FAM168A: variants seen among roughly 807,000 people sequenced by gnomAD.
FAM168A encodes protein FAM168A.
A neutral mutation model predicts 28.5 loss-of-function variants in FAM168A; 3 were observed. The ratio of observed to expected loss-of-function variants is 0.11; its 90% CI spans 0.05 to 0.27. The LOEUF (loss-of-function observed/expected upper bound fraction) is 0.27. Ranked by LOEUF, FAM168A falls within the 10% of genes least tolerant of loss-of-function variation. The probability of loss-of-function intolerance (pLI) is 1.00; values close to 1 mark genes in which losing one functional copy is unlikely to be tolerated. For synonymous variants in FAM168A, 122 were observed against 124.2 expected (o/e 0.98, Z 0.12); for missense variants, 222 against 311.5 (o/e 0.71, Z 2.16).
At chr11:73,469,820 C>G (rs1867788178) in intron 1 of FAM168A, among the ~76,000 whole-genome samples, 1 of 152,020 alleles carries the variant, frequency 6.6e-6, no homozygotes, top group South Asian at 2.1e-4. Flanking sequence ...AAAAATATAC[C>G]CAAGTAACAT....
intron 1 of FAM168A, among the ~76,000 whole-genome samples, chr11:73,513,011 C>T (rs1440743070): frequency 6.6e-6 from 1 of 151,968 alleles, no homozygotes; most frequent in East Asian, 1.9e-4. Context: ...AAAGATATTG[C>T]CCTAGGGAAA....
Position 73,420,005 on chromosome 11 carries a change from G to A in FAM168A, c.152-6C>T. ...CTGTTTCATCAGCAGAGTTGCTTAA[G>A]GGAAGACACAAGAATGGCATTAGAC... is the stretch of plus-strand genomic sequence containing the variant. On this transcript the variant is annotated splice_polypyrimidine_tract_variant and splice_region_variant and intron_variant, in intron 3 of 7. Coordinates refer to ENST00000356467, the MANE Select transcript of FAM168A (RefSeq NM_015159.3). 6.2e-7 allele frequency: 1 copy of A among 1,613,118 alleles called. No homozygotes were observed. The highest frequency in any genetic ancestry group is 8.5e-7 in the Non-Finnish European group (1 of 1,179,454).
At chr11:73,581,663 G>C (rs1039557117) in intron 1 of FAM168A, among the ~76,000 whole-genome samples, 2 of 152,018 alleles carry the variant, frequency 1.3e-5, no homozygotes, top group African/African-American at 2.4e-5. Flanking sequence ...AAAAAGGTTT[G>C]AATACCCTGT....
chr11:73,546,676 G>A (rs534279937), intron 1 of FAM168A, among the ~76,000 whole-genome samples: 64 of 150,078 alleles, frequency 4.3e-4, no homozygotes, highest in African/African-American at 1.3e-3. Flanking sequence ...AGGTTGCAGC[G>A]AGCCTAGATC....
intron 1 of FAM168A, among the ~76,000 whole-genome samples, chr11:73,568,623 G>A (rs1944049676): frequency 6.6e-6 from 1 of 152,166 alleles, no homozygotes; most frequent in Non-Finnish European, 1.5e-5. Context: ...TTGGTCGGGG[G>A]TAATGGCTCA....
At chr11:73,513,880 T>C (rs772720723) in intron 1 of FAM168A, among the ~76,000 whole-genome samples, 8 of 152,158 alleles carry the variant, frequency 5.3e-5, no homozygotes, top group Non-Finnish European at 1.0e-4. Flanking sequence ...CTTGGTTTAC[T>C]CATCTTTAAA....
chr11:73,511,788 C>T (rs1476576553), intron 1 of FAM168A, among the ~76,000 whole-genome samples: 1 of 152,120 alleles, frequency 6.6e-6, no homozygotes, highest in African/African-American at 2.4e-5. Context: ...AGTAATGTGA[C>T]TAAGGATCCC....
intron 1 of FAM168A, among the ~76,000 whole-genome samples, chr11:73,499,749 A>C (rs114226530): frequency 0.048 from 7,243 of 152,110 alleles, 544 homozygotes; most frequent in African/African-American, 0.16. Context: ...CAACAGCCGA[A>C]TCAGCCAAGC....
At chr11:73,554,124 C>G (rs1943860824) in intron 1 of FAM168A, among the ~76,000 whole-genome samples, 1 of 152,078 alleles carries the variant, frequency 6.6e-6, no homozygotes, top group African/African-American at 2.4e-5. Context: ...ACCTGTAATC[C>G]CAGCACTTTG....
At chr11:73,515,444 G>A (rs1943288639) in intron 1 of FAM168A, among the ~76,000 whole-genome samples, 1 of 150,484 alleles carries the variant, frequency 6.6e-6, no homozygotes, top group Non-Finnish European at 1.5e-5. Context: ...AGAGGCAGAG[G>A]TTGCAGTGAG....
intron 1 of FAM168A, among the ~76,000 whole-genome samples, chr11:73,521,368 T>C (rs11235790): frequency 0.084 from 12,777 of 152,004 alleles, 628 homozygotes; most frequent in Admixed American, 0.12. Flanking sequence ...CAACCTACCC[T>C]ACTACCCTAC....
At chr11:73,430,840 A>C in intron 2 of FAM168A, 70 bp from the exon 3 acceptor site, 3 of 1,253,312 alleles carry the variant, frequency 2.4e-6, no homozygotes, top group Non-Finnish European at 3.3e-6. Flanking sequence ...CAAAACAAAA[A>C]AACACCCAGA....
At chr11:73,541,720 T>A (rs1185845502) in intron 1 of FAM168A, among the ~76,000 whole-genome samples, 2 of 152,122 alleles carry the variant, frequency 1.3e-5, no homozygotes, top group Admixed American at 1.3e-4. Flanking sequence ...AATATCTAGG[T>A]CCCATAGATT....
At chr11:73,506,064 C>A (rs745501521) in intron 1 of FAM168A, among the ~76,000 whole-genome samples, 1 of 152,094 alleles carries the variant, frequency 6.6e-6, no homozygotes, top group Non-Finnish European at 1.5e-5. Flanking sequence ...TCTCTCTCAC[C>A]CACCACTTCC....
At chr11:73,494,524 C>A (rs1854829539) in intron 1 of FAM168A, among the ~76,000 whole-genome samples, 1 of 152,318 alleles carries the variant, frequency 6.6e-6, no homozygotes, top group Non-Finnish European at 1.5e-5. Context: ...AAAAACCTGG[C>A]AGAACCACCC....
chr11:73,496,079 A>G (rs1301122571), intron 1 of FAM168A, among the ~76,000 whole-genome samples: 1 of 148,018 alleles, frequency 6.8e-6, no homozygotes, highest in African/African-American at 2.6e-5. Flanking sequence ...ACATGCATAC[A>G]CACAACCCGC....
At chr11:73,482,481 T>C (rs1027850116) in intron 1 of FAM168A, among the ~76,000 whole-genome samples, 7 of 152,082 alleles carry the variant, frequency 4.6e-5, no homozygotes, top group Admixed American at 1.3e-4. Context: ...CTGGGTATTT[T>C]AGATCTATCT....
chr11:73,556,146 A>T (rs3103923), intron 1 of FAM168A, among the ~76,000 whole-genome samples: 1 of 151,982 alleles, frequency 6.6e-6, no homozygotes, highest in African/African-American at 2.4e-5. Context: ...GAGTTCAAGA[A>T]CAGCCTGGGC....
chr11:73,523,131 T>C (rs1943406198), intron 1 of FAM168A, among the ~76,000 whole-genome samples: 1 of 152,106 alleles, frequency 6.6e-6, no homozygotes. Context: ...GGTTTCTGCT[T>C]TCTCTAGAGC....
Sources: gnomAD v4.1 joint callset for allele counts (sites outside exome capture counted in the v4.1 genomes callset) on GRCh38, gnomAD v4.1.1 for gene constraint, MANE v1.5 for transcripts, NCBI Gene and HGNC (gene_info 2026-07-23, HGNC 2026-07-21) for gene names.